Variants in SHC4 observed in about 807,000 individuals in gnomAD.
SHC4 encodes the protein SHC adaptor protein 4, also known as SHC-transforming protein 4.
SHC4 carries 41 observed loss-of-function variants against 69.4 expected under a neutral mutation model. That is an observed-to-expected ratio of 0.59 (90% CI 0.46 to 0.77). The LOEUF (loss-of-function observed/expected upper bound fraction) is 0.77, where lower values mean the gene tolerates loss of function less well. Among genes scored for constraint, SHC4 ranks in the 30% least tolerant of loss-of-function variants. SHC4 has a pLI of 0.00. For synonymous variants in SHC4, 318 were observed against 299.3 expected (o/e 1.06, Z -0.64); for missense variants, 777 against 783.8 (o/e 0.99, Z 0.10).
At chr15:48,885,167 G>A (rs1900011493) in intron 3 of SHC4, among the ~76,000 whole-genome samples, 2 of 152,134 alleles carry the variant, frequency 1.3e-5, no homozygotes, top group South Asian at 4.1e-4. Context: ...GGGTACCCAG[G>A]AATTATAAAG....
chr15:48,926,916 C>T (rs1402192366), intron 1 of SHC4, among the ~76,000 whole-genome samples: 3 of 152,086 alleles, frequency 2.0e-5, no homozygotes, highest in African/African-American at 7.3e-5. Context: ...TTACACTCCT[C>T]TTGGGATCTC....
intron 9 of SHC4, among the ~76,000 whole-genome samples, chr15:48,844,493 C>A (rs1302497276): frequency 1.3e-5 from 2 of 152,114 alleles, no homozygotes; most frequent in Non-Finnish European, 2.9e-5. Flanking sequence ...TTAACATGCT[C>A]TTCACTCCTT....
At chr15:48,888,608 A>C (rs1189584359) in intron 3 of SHC4, among the ~76,000 whole-genome samples, 2 of 152,168 alleles carry the variant, frequency 1.3e-5, no homozygotes, top group African/African-American at 4.8e-5. Context: ...AAGGGTTAAG[A>C]TGAGGCTGGG....
chr15:48,888,614 C>T (rs1299806618), intron 3 of SHC4, among the ~76,000 whole-genome samples: 2 of 152,088 alleles, frequency 1.3e-5, no homozygotes, highest in Non-Finnish European at 2.9e-5. Context: ...TAAGATGAGG[C>T]TGGGAGTGGT....
intron 1 of SHC4, among the ~76,000 whole-genome samples, chr15:48,941,350 T>C (rs890576466): frequency 3.9e-5 from 6 of 152,146 alleles, no homozygotes; most frequent in Admixed American, 2.0e-4. Context: ...ATCAGTGGAG[T>C]AGTCAACGTA....
intron 9 of SHC4, among the ~76,000 whole-genome samples, chr15:48,848,026 A>G (rs1045248245): frequency 2.0e-5 from 3 of 150,606 alleles, no homozygotes; most frequent in Admixed American, 2.0e-4. Context: ...AACAAAAAAA[A>G]CAAACAAAAA....
At chr15:48,869,478 T>C (rs1899625356) in intron 5 of SHC4, among the ~76,000 whole-genome samples, 1 of 152,222 alleles carries the variant, frequency 6.6e-6, no homozygotes, top group Admixed American at 6.5e-5. Flanking sequence ...AAAACAAATA[T>C]GGGTATGTGT....
chr15:48,872,556 T>C (rs1899701441), intron 4 of SHC4, among the ~76,000 whole-genome samples: 3 of 152,366 alleles, frequency 2.0e-5, no homozygotes, highest in African/African-American at 4.8e-5. Flanking sequence ...AATATGAAGC[T>C]TTTCTTCTGA....
chr15:48,958,048 G>A (rs908308774), intron 1 of SHC4, among the ~76,000 whole-genome samples: 3 of 152,192 alleles, frequency 2.0e-5, no homozygotes, highest in African/African-American at 4.8e-5. Context: ...GATTTCAGAC[G>A]TCCAGCCTCA....
At chr15:48,909,032 C>T (rs1460289750) in intron 2 of SHC4, among the ~76,000 whole-genome samples, 1 of 152,122 alleles carries the variant, frequency 6.6e-6, no homozygotes, top group Admixed American at 6.5e-5. Flanking sequence ...GCTCTGCTGG[C>T]TCTTTTTTCA....
chr15:48,892,395 T>G lies in SHC4; in HGVS notation c.657-1584A>C, dbSNP rs574667165. On this transcript the variant is annotated intron_variant, in intron 2 of 11. Transcript: ENST00000332408. Reference sequence around the variant, plus strand: ...CCAAAGGATAGAATGGATCTTTGGTTAGCATATATTCTCAGAATTTCATAT... The same window carrying G: ...CCAAAGGATAGAATGGATCTTTGGTGAGCATATATTCTCAGAATTTCATAT... Among the ~76,000 whole-genome samples, 7 of 152,258 alleles carry G rather than the reference T, an allele frequency of 4.6e-5. No individual in the cohort carries two copies. The South Asian group carries it at 1.5e-3, about 32-fold the overall frequency.
chr15:48,885,589 A>G (rs1181400360), intron 3 of SHC4, among the ~76,000 whole-genome samples: 1 of 152,216 alleles, frequency 6.6e-6, no homozygotes, highest in Non-Finnish European at 1.5e-5. Context: ...CAGCATATGA[A>G]TCAATACTTT....
At chr15:48,840,735 A>G (rs1292532966) in intron 10 of SHC4, among the ~76,000 whole-genome samples, 1 of 152,230 alleles carries the variant, frequency 6.6e-6, no homozygotes. Flanking sequence ...TTAAATCAAC[A>G]TAATTTAAGG....
At chr15:48,868,124 T>C (rs117264552) in intron 5 of SHC4, among the ~76,000 whole-genome samples, 2,727 of 152,248 alleles carry the variant, frequency 0.018, 35 homozygotes, top group Non-Finnish European at 0.025. Context: ...TCATTAAGAA[T>C]AAAAGAGAAA....
intron 1 of SHC4, among the ~76,000 whole-genome samples, chr15:48,934,780 T>C (rs1434518306): frequency 6.6e-6 from 1 of 152,172 alleles, no homozygotes; most frequent in Non-Finnish European, 1.5e-5. Context: ...AGCGATCAAG[T>C]ATTGATACAT....
intron 11 of SHC4, 98 bp from the exon 12 acceptor site, chr15:48,826,224 T>A: frequency 8.6e-7 from 1 of 1,156,892 alleles, no homozygotes; most frequent in Non-Finnish European, 1.2e-6. Flanking sequence ...ATCCCTAAAG[T>A]AGATACTTTG....
At chr15:48,876,571 G>C (rs1483429530) in intron 4 of SHC4, 1 of 694,118 alleles carries the variant, frequency 1.4e-6, no homozygotes, top group East Asian at 2.7e-5. Flanking sequence ...CCTACAATAG[G>C]CTGTCTGCAG....
chr15:48,935,140 A>G (rs1028079457), intron 1 of SHC4, among the ~76,000 whole-genome samples: 1 of 152,238 alleles, frequency 6.6e-6, no homozygotes, highest in African/African-American at 2.4e-5. Context: ...CCAAACAAGC[A>G]ATATCTGCAG....
intron 1 of SHC4, among the ~76,000 whole-genome samples, chr15:48,928,837 G>A (rs1057114983): frequency 1.3e-5 from 2 of 152,064 alleles, no homozygotes; most frequent in East Asian, 3.9e-4. Context: ...CTCTTACGGT[G>A]GTTATAGCCA....
Sources: allele counts gnomAD v4.1 joint callset (sites outside exome capture counted in the v4.1 genomes callset), GRCh38; gene constraint gnomAD v4.1.1; transcripts MANE v1.5; gene names NCBI Gene and HGNC (gene_info 2026-07-23, HGNC 2026-07-21).